The following PPARGC1A variants were observed in gnomAD, a reference collection of about 807,000 sequenced individuals.
PPARGC1A encodes PPARG coactivator 1 alpha.
In PPARGC1A, 25 loss-of-function variants were observed where a neutral mutation model predicts 88.7. The observed-to-expected ratio is 0.28, with a 90% CI of 0.21 to 0.39. The LOEUF (loss-of-function observed/expected upper bound fraction) is 0.39. Ranked by LOEUF, PPARGC1A falls within the 10% of genes least tolerant of loss-of-function variation. The pLI, the probability that PPARGC1A is intolerant of heterozygous loss-of-function variation, is 1.00. For missense variants in PPARGC1A, 880 were observed against 968.7 expected, an observed-to-expected ratio of 0.91 and a Z score of 1.22; for synonymous variants, 363 against 355.6, an observed-to-expected ratio of 1.02 and a Z score of -0.24.
rs529567251 is a variant in PPARGC1A, at chr4:23,859,831, A to G, written c.234+24921T>C. 3.1e-3 allele frequency among the ~76,000 whole-genome samples: 452 copies of G among 146,440 alleles called. 4 individuals are homozygous for G. The highest frequency in any genetic ancestry group is 8.4e-3 in the African/African-American group (327 of 39,060). On this transcript the variant is annotated intron_variant, in intron 2 of 12. Coordinates refer to ENST00000264867, the MANE Select transcript of PPARGC1A (RefSeq NM_013261.5). ...AAAATAAAATAAAATAAAATAAAAT[A>G]AAATAAAATAAAATAAAATAAAATA... is the stretch of plus-strand genomic sequence containing the variant.
the PPARGC1A span, among the ~76,000 whole-genome samples, chr4:24,196,986 T>C: frequency 2.0e-5 from 3 of 152,218 alleles, no homozygotes; most frequent in Non-Finnish European, 4.4e-5. Context: ...GCTTGAGCAC[T>C]GGATATTTTT....
the PPARGC1A span, among the ~76,000 whole-genome samples, chr4:24,224,850 C>A: frequency 1.3e-5 from 2 of 152,212 alleles, no homozygotes; most frequent in Admixed American, 6.5e-5. Context: ...TCAGGAGAGA[C>A]CTCACTGAAA....
At chr4:23,949,316 T>C in the PPARGC1A span, among the ~76,000 whole-genome samples, 3 of 152,160 alleles carry the variant, frequency 2.0e-5, no homozygotes, top group Non-Finnish European at 2.9e-5. Flanking sequence ...TAACGACACT[T>C]GCAACCATCG....
At chr4:24,416,251 G>C in the PPARGC1A span, among the ~76,000 whole-genome samples, 1 of 152,172 alleles carries the variant, frequency 6.6e-6, no homozygotes, top group Non-Finnish European at 1.5e-5. Context: ...TAAGAAGGTA[G>C]CTTAAGGTCA....
intron 2 of PPARGC1A, among the ~76,000 whole-genome samples, chr4:23,874,910 T>G (rs555478517): frequency 2.7e-3 from 404 of 152,354 alleles, no homozygotes; most frequent in Non-Finnish European, 4.8e-3. Context: ...AACAACACAA[T>G]TTATCCAAAT....
the PPARGC1A span, among the ~76,000 whole-genome samples, chr4:24,312,563 C>G: frequency 7.3e-6 from 1 of 137,866 alleles, no homozygotes; most frequent in Non-Finnish European, 1.5e-5. Context: ...TTGCTTTTCT[C>G]TTTGTCTTAA....
the PPARGC1A span, among the ~76,000 whole-genome samples, chr4:24,414,092 A>G: frequency 6.6e-6 from 1 of 152,234 alleles, no homozygotes; most frequent in African/African-American, 2.4e-5. Flanking sequence ...GTTAATTACC[A>G]TAAAGCACTA....
chr4:24,066,849 GTTTTTTTT>G, the PPARGC1A span, among the ~76,000 whole-genome samples: 8 of 100,870 alleles, frequency 7.9e-5, no homozygotes, highest in South Asian at 3.2e-4. Context: ...TTTGTTTTGG[GTTTTTTTT>G]TTTTTTTTTT....
chr4:24,445,677 T>A, the PPARGC1A span, among the ~76,000 whole-genome samples: 59 of 152,184 alleles, frequency 3.9e-4, no homozygotes, highest in African/African-American at 1.4e-3. Context: ...CATCAGAAAA[T>A]CCCACCATTA....
At chr4:24,246,518 G>A in the PPARGC1A span, among the ~76,000 whole-genome samples, 7 of 152,190 alleles carry the variant, frequency 4.6e-5, no homozygotes, top group Admixed American at 6.5e-5. Flanking sequence ...AGGAGGCTGA[G>A]ATGGGAGGAT....
the PPARGC1A span, among the ~76,000 whole-genome samples, chr4:24,319,067 C>T: frequency 6.6e-6 from 1 of 152,166 alleles, no homozygotes. Context: ...AGAAACTCGG[C>T]TGAGTGCGGT....
the PPARGC1A span, among the ~76,000 whole-genome samples, chr4:24,306,911 A>G: frequency 6.6e-6 from 1 of 152,244 alleles, no homozygotes; most frequent in Non-Finnish European, 1.5e-5. Context: ...AAATGTTACC[A>G]TTGTCACTAA....
the PPARGC1A span, among the ~76,000 whole-genome samples, chr4:23,997,807 A>G: frequency 1.3e-5 from 2 of 152,086 alleles, no homozygotes; most frequent in Non-Finnish European, 2.9e-5. Flanking sequence ...CCCTTTCTAT[A>G]AGCAGTGTTG....
the PPARGC1A span, among the ~76,000 whole-genome samples, chr4:23,995,056 T>G: frequency 2.0e-5 from 3 of 152,152 alleles, no homozygotes; most frequent in African/African-American, 7.2e-5. Flanking sequence ...AACTGTTTTC[T>G]ACAATCAATC....
the PPARGC1A span, among the ~76,000 whole-genome samples, chr4:24,114,757 T>A: frequency 2.0e-5 from 3 of 152,190 alleles, no homozygotes. Context: ...CTGTTTAGGA[T>A]GCAAACTACT....
chr4:24,389,645 G>A, the PPARGC1A span, among the ~76,000 whole-genome samples: 3 of 152,178 alleles, frequency 2.0e-5, no homozygotes, highest in African/African-American at 7.2e-5. Flanking sequence ...TTCTGGCCCT[G>A]AGGGAGGCTG....
chr4:23,873,200 AAATAAAAAATAAAAAATAAAAAAT>A (rs1231307458), intron 2 of PPARGC1A, among the ~76,000 whole-genome samples: 2 of 136,972 alleles, frequency 1.5e-5, no homozygotes, highest in Non-Finnish European at 3.2e-5. Flanking sequence ...TCCGTCTCAA[AAATAAAAAATAAAAAATAAAAAAT>A]AAAGAAAAAA....
At chr4:23,941,361 AT>A in the PPARGC1A span, among the ~76,000 whole-genome samples, 2 of 152,074 alleles carry the variant, frequency 1.3e-5, no homozygotes, top group African/African-American at 2.4e-5. Flanking sequence ...CCCAGTTTTA[AT>A]TTTTTTTAAT....
At chr4:23,928,884 A>G in the PPARGC1A span, among the ~76,000 whole-genome samples, 1 of 152,090 alleles carries the variant, frequency 6.6e-6, no homozygotes, top group Non-Finnish European at 1.5e-5. Context: ...GGAACAGAAA[A>G]CCAAACACTG....
Sources: allele counts gnomAD v4.1 joint callset (sites outside exome capture counted in the v4.1 genomes callset), GRCh38; gene constraint gnomAD v4.1.1; transcripts MANE v1.5; gene names NCBI Gene and HGNC (gene_info 2026-07-23, HGNC 2026-07-21).